ATP8A2: variants seen among roughly 807,000 people sequenced by gnomAD.
ATP8A2 encodes the protein phospholipid-transporting ATPase IB.
ATP8A2 carries 100 observed loss-of-function variants against 165.6 expected under a neutral mutation model. That is an observed-to-expected ratio of 0.60 (90% CI 0.51 to 0.71). The LOEUF is 0.71. Ranked by LOEUF, ATP8A2 falls within the 30% of genes least tolerant of loss-of-function variation. The pLI is 0.00. For missense variants in ATP8A2, 1,227 were observed against 1,479.5 expected, an observed-to-expected ratio of 0.83 and a Z score of 2.80; for synonymous variants, 543 against 548.8, an observed-to-expected ratio of 0.99 and a Z score of 0.15.
At chr13:25,408,131 A>G (rs1032991996) in intron 1 of ATP8A2, among the ~76,000 whole-genome samples, 57 of 152,112 alleles carry the variant, frequency 3.7e-4, no homozygotes, top group South Asian at 6.2e-4. Context: ...GCAGTGGCTC[A>G]TGCCTGTAAT....
At chr13:25,504,567 CG>C (rs1302752057) in intron 2 of ATP8A2, among the ~76,000 whole-genome samples, 5 of 146,982 alleles carry the variant, frequency 3.4e-5, no homozygotes, top group African/African-American at 7.5e-5. Flanking sequence ...GGTGAAACCC[CG>C]TCTCTACTAA....
At chr13:25,806,670 G>A (rs139703367) in intron 27 of ATP8A2, among the ~76,000 whole-genome samples, 1 of 152,164 alleles carries the variant, frequency 6.6e-6, no homozygotes, top group Non-Finnish European at 1.5e-5. Flanking sequence ...ATAGAAATAG[G>A]TATTCAGTTC....
chr13:25,663,650 G>T (rs2042095077), intron 24 of ATP8A2, among the ~76,000 whole-genome samples: 2 of 152,114 alleles, frequency 1.3e-5, no homozygotes, highest in Admixed American at 1.3e-4. Context: ...TAGACCTGTT[G>T]TTTGGGTGAT....
chr13:25,373,755 G>C (rs2032512663), intron 1 of ATP8A2, among the ~76,000 whole-genome samples: 1 of 152,236 alleles, frequency 6.6e-6, no homozygotes, highest in African/African-American at 2.4e-5. Flanking sequence ...AATTTGGTCT[G>C]AAATGCCTAC....
chr13:25,662,902 A>G (rs2042080507), intron 24 of ATP8A2, among the ~76,000 whole-genome samples: 1 of 152,236 alleles, frequency 6.6e-6, no homozygotes, highest in Non-Finnish European at 1.5e-5. Flanking sequence ...GCACCCTGTC[A>G]GTAAATGGAT....
At chr13:25,485,388 C>T (rs559419105) in intron 2 of ATP8A2, among the ~76,000 whole-genome samples, 3 of 152,300 alleles carry the variant, frequency 2.0e-5, no homozygotes, top group African/African-American at 7.2e-5. Context: ...CAAAAAACTC[C>T]AAGACAGAAA....
intron 7 of ATP8A2, among the ~76,000 whole-genome samples, chr13:25,539,820 A>C (rs2038412118): frequency 6.6e-6 from 1 of 152,168 alleles, no homozygotes; most frequent in African/African-American, 2.4e-5. Context: ...TTTGATTAAA[A>C]AGTTGGACTC....
chr13:25,830,143 G>A (rs567329615), intron 28 of ATP8A2, among the ~76,000 whole-genome samples: 1 of 151,520 alleles, frequency 6.6e-6, no homozygotes, highest in Non-Finnish European at 1.5e-5. Flanking sequence ...TTAGTAGCTG[G>A]GACCATGGGC....
chr13:25,771,349 G>A (rs1482721896), intron 26 of ATP8A2, among the ~76,000 whole-genome samples: 5 of 152,146 alleles, frequency 3.3e-5, no homozygotes, highest in Non-Finnish European at 7.3e-5. Flanking sequence ...TGTGGGACTC[G>A]CACTTCCTGT....
At chr13:25,444,393 G>C (rs867655893) in intron 1 of ATP8A2, among the ~76,000 whole-genome samples, 7 of 151,988 alleles carry the variant, frequency 4.6e-5, no homozygotes, top group South Asian at 2.1e-4. Flanking sequence ...ATTTACCTTG[G>C]ATAAAATACC....
chr13:25,460,822 C>T (rs2035483867), intron 1 of ATP8A2, among the ~76,000 whole-genome samples: 1 of 152,178 alleles, frequency 6.6e-6, no homozygotes, highest in African/African-American at 2.4e-5. Context: ...CATAATCATT[C>T]TTATAAGCCT....
chr13:25,889,245 CAT>C (rs200723564), intron 33 of ATP8A2, among the ~76,000 whole-genome samples: 38,950 of 109,744 alleles, frequency 0.35, 7,105 homozygotes, highest in East Asian at 0.53. Flanking sequence ...CATCCTTTGT[CAT>C]ATATATATAT....
chr13:25,941,312 A>G (rs1322923391), intron 33 of ATP8A2, among the ~76,000 whole-genome samples: 2 of 151,978 alleles, frequency 1.3e-5, no homozygotes, highest in Admixed American at 6.6e-5. Context: ...CCCTGTTTGA[A>G]ACGATCCCAT....
intron 1 of ATP8A2, among the ~76,000 whole-genome samples, chr13:25,391,349 A>G (rs924894154): frequency 6.6e-6 from 1 of 152,182 alleles, no homozygotes; most frequent in African/African-American, 2.4e-5. Context: ...TCATCTGTCC[A>G]TCCATCCATC....
intron 33 of ATP8A2, among the ~76,000 whole-genome samples, chr13:25,893,611 C>G (rs1454621078): frequency 2.0e-5 from 3 of 152,228 alleles, no homozygotes; most frequent in African/African-American, 7.2e-5. Flanking sequence ...TTCTAGATCC[C>G]TGAGGAATCG....
intron 24 of ATP8A2, among the ~76,000 whole-genome samples, chr13:25,595,637 A>T (rs1444646244): frequency 6.6e-6 from 1 of 152,196 alleles, no homozygotes; most frequent in East Asian, 1.9e-4. Flanking sequence ...ACTTTGGGAA[A>T]CAGAATCTGC....
intron 1 of ATP8A2, among the ~76,000 whole-genome samples, chr13:25,450,594 T>A (rs201512175): frequency 6.6e-6 from 1 of 152,038 alleles, no homozygotes. Flanking sequence ...TGCAGTGGTG[T>A]GATCTCGGCT....
At chr13:25,929,580 C>T (rs527761523) in intron 33 of ATP8A2, among the ~76,000 whole-genome samples, 10 of 152,274 alleles carry the variant, frequency 6.6e-5, no homozygotes, top group Admixed American at 1.3e-4. Context: ...TGCCAGCGGC[C>T]GGGCTCAGTG....
chr13:26,017,819 C>T (rs1319061542), intron 36 of ATP8A2, among the ~76,000 whole-genome samples: 2 of 152,196 alleles, frequency 1.3e-5, no homozygotes, highest in African/African-American at 2.4e-5. Flanking sequence ...CTGATGCTGC[C>T]TTCAGGCTCA....
Sources: gnomAD v4.1 joint callset for allele counts (sites outside exome capture counted in the v4.1 genomes callset) on GRCh38, gnomAD v4.1.1 for gene constraint, MANE v1.5 for transcripts, NCBI Gene and HGNC (gene_info 2026-07-23, HGNC 2026-07-21) for gene names.